ITGBL1: variants seen among roughly 807,000 people sequenced by gnomAD.
ITGBL1 encodes integrin subunit beta like 1.
In ITGBL1, 51 loss-of-function variants were observed where a neutral mutation model predicts 68.5. That is an observed-to-expected ratio of 0.74 (90% confidence interval 0.59 to 0.94). The LOEUF (loss-of-function observed/expected upper bound fraction) is 0.94. Ranked by LOEUF, ITGBL1 falls within the 40% of genes least tolerant of loss-of-function variation. The pLI, the probability that ITGBL1 is intolerant of heterozygous loss-of-function variation, is 0.00. For synonymous variants in ITGBL1, 209 were observed against 227.3 expected (o/e 0.92, Z 0.72); for missense variants, 649 against 647.4 (o/e 1.00, Z -0.03).
chr13:101,655,221 C>T (rs1256263714), intron 7 of ITGBL1, among the ~76,000 whole-genome samples: 1 of 152,198 alleles, frequency 6.6e-6, no homozygotes, highest in Non-Finnish European at 1.5e-5. Context: ...CCCTTGAAAT[C>T]TCACCACACT....
At chr13:101,554,144 T>G (rs955229913) in intron 2 of ITGBL1, among the ~76,000 whole-genome samples, 2 of 152,186 alleles carry the variant, frequency 1.3e-5, no homozygotes, top group Non-Finnish European at 2.9e-5. Flanking sequence ...CAGTGTGATC[T>G]CAACTAATTC....
chr13:101,688,591 T>C (rs921445471), intron 7 of ITGBL1, among the ~76,000 whole-genome samples: 1 of 152,210 alleles, frequency 6.6e-6, no homozygotes, highest in Non-Finnish European at 1.5e-5. Context: ...ATCAGAGGGA[T>C]TTGTGCAAAG....
chr13:101,542,847 A>G lies in ITGBL1; in HGVS notation c.317-24852A>G, dbSNP rs183059446. Among the ~76,000 whole-genome samples, 377 of 152,070 alleles carry G rather than the reference A, an allele frequency of 2.5e-3. 1 individual carries two copies. The highest frequency in any genetic ancestry group is 4.1e-3 in the Non-Finnish European group (280 of 67,986). ...GTCTCTTTTGATCTTTGTTGGTTTA[A>G]AGTCTGTTTTATCAGAGACTAGGAT... On this transcript the variant is annotated intron_variant, in intron 2 of 10. Transcript: ENST00000376180.
intron 6 of ITGBL1, among the ~76,000 whole-genome samples, chr13:101,584,212 G>A (rs17685968): frequency 0.27 from 41,052 of 151,994 alleles, 5,987 homozygotes; most frequent in East Asian, 0.46. Flanking sequence ...GAGCCAGTAG[G>A]GGACAGGAGA....
At chr13:101,567,504 T>C (rs569234074) in intron 2 of ITGBL1, among the ~76,000 whole-genome samples, 195 bp from the exon 3 acceptor site, 2 of 152,298 alleles carry the variant, frequency 1.3e-5, no homozygotes, top group South Asian at 4.1e-4. Flanking sequence ...ATTTATCGGT[T>C]GACTATTGAA....
chr13:101,603,650 A>G (rs897225954), intron 7 of ITGBL1, among the ~76,000 whole-genome samples: 33 of 142,002 alleles, frequency 2.3e-4, no homozygotes, highest in Non-Finnish European at 3.8e-4. Context: ...CCAGACATGT[A>G]AAAAAAATGA....
intron 3 of ITGBL1, 100 bp from the exon 4 acceptor site, chr13:101,575,323 GA>G: frequency 9.0e-7 from 1 of 1,105,374 alleles, no homozygotes. Flanking sequence ...ATATTAAATT[GA>G]TTTGGATTAT....
At chr13:101,658,446 T>A (rs1030367550) in intron 7 of ITGBL1, among the ~76,000 whole-genome samples, 3 of 151,990 alleles carry the variant, frequency 2.0e-5, no homozygotes, top group Admixed American at 6.6e-5. Context: ...TTTAAAAAAA[T>A]TAAAGTGATC....
At chr13:101,457,924 A>G (rs757012479) in intron 2 of ITGBL1, among the ~76,000 whole-genome samples, 10 of 152,252 alleles carry the variant, frequency 6.6e-5, no homozygotes, top group Non-Finnish European at 1.2e-4. Context: ...ACCAGCTACA[A>G]TGACACTTAA....
At chr13:101,478,737 A>G (rs1318615870) in intron 2 of ITGBL1, among the ~76,000 whole-genome samples, 1 of 151,904 alleles carries the variant, frequency 6.6e-6, no homozygotes, top group Non-Finnish European at 1.5e-5. Context: ...AACAGCTACA[A>G]ATAAAATGAG....
intron 2 of ITGBL1, among the ~76,000 whole-genome samples, chr13:101,517,022 A>G (rs1420433770): frequency 6.6e-6 from 1 of 152,190 alleles, no homozygotes; most frequent in Non-Finnish European, 1.5e-5. Flanking sequence ...ATATTCTTGC[A>G]CTCAAGGTGA....
At chr13:101,525,135 A>T (rs2049352500) in intron 2 of ITGBL1, among the ~76,000 whole-genome samples, 1 of 152,146 alleles carries the variant, frequency 6.6e-6, no homozygotes, top group South Asian at 2.1e-4. Flanking sequence ...GATATTACAA[A>T]GTTTTTTCTT....
Position 101,614,259 on chromosome 13 carries a change from A to G in ITGBL1, c.1015+15960A>G, listed in dbSNP as rs571079213. ...CAGAAATGCATTTTGGGTTTTCGCC[A>G]TAGATAATTTCTGCTTTGAAAAATA... On this transcript the variant is annotated intron_variant, in intron 7 of 10. Coordinates refer to ENST00000376180, the MANE Select transcript of ITGBL1 (RefSeq NM_004791.3). 3.3e-5 allele frequency among the ~76,000 whole-genome samples: 5 copies of G among 152,310 alleles called. No homozygotes were observed. In the South Asian group the frequency reaches 8.3e-4, roughly 25 times the overall value.
intron 7 of ITGBL1, among the ~76,000 whole-genome samples, chr13:101,605,963 C>CAT (rs1192366370): frequency 6.9e-6 from 1 of 144,700 alleles, no homozygotes; most frequent in Admixed American, 7.0e-5. Flanking sequence ...CACATATACA[C>CAT]ATATATATGC....
rs149770736 is a variant in ITGBL1, at chr13:101,706,828, G to C, written c.1205G>C (p.Arg402Pro). 2 of 1,614,150 alleles carry C rather than the reference G, an allele frequency of 1.2e-6. No individual in the cohort carries two copies. The highest frequency in any genetic ancestry group is 1.7e-5 in the Admixed American group (1 of 60,022). ...GWFGKLCQHP[R>P]KCNMTEEQSK... ...TTTGGAAAGCTCTGCCAACATCCGCGGAAGTGTAACATGACGGAAGAACAA... is the reference window on the plus strand; with the variant it reads ...TTTGGAAAGCTCTGCCAACATCCGCCGAAGTGTAACATGACGGAAGAACAA... The change falls in exon 9 of 11, where the codon CGG becomes CCG. Residue 402 changes from arginine to proline, a missense_variant. Arg to Pro is a moderately radical substitution (Grantham distance 103). Coordinates refer to ENST00000376180, the MANE Select transcript of ITGBL1 (RefSeq NM_004791.3).
At chr13:101,656,659 C>T (rs2032934867) in intron 7 of ITGBL1, among the ~76,000 whole-genome samples, 1 of 152,052 alleles carries the variant, frequency 6.6e-6, no homozygotes, top group Admixed American at 6.6e-5. Flanking sequence ...AACACTCTAC[C>T]CTTTCAAAAT....
intron 6 of ITGBL1, among the ~76,000 whole-genome samples, chr13:101,589,494 A>G (rs893077115): frequency 1.3e-5 from 2 of 152,180 alleles, no homozygotes; most frequent in Admixed American, 6.5e-5. Context: ...TTCTTTCCTT[A>G]GCTTGAACTT....
At chr13:101,516,498 G>T (rs551371143) in intron 2 of ITGBL1, among the ~76,000 whole-genome samples, 1 of 152,182 alleles carries the variant, frequency 6.6e-6, no homozygotes, top group African/African-American at 2.4e-5. Flanking sequence ...TTCAATTTCT[G>T]CTCAAGGAAA....
At chr13:101,526,756 AT>A (rs1472634635) in intron 2 of ITGBL1, among the ~76,000 whole-genome samples, 1 of 149,140 alleles carries the variant, frequency 6.7e-6, no homozygotes, top group Non-Finnish European at 1.5e-5. Flanking sequence ...TCTATAATAT[AT>A]TTTTATGTTT....
Sources: allele counts gnomAD v4.1 joint callset (sites outside exome capture counted in the v4.1 genomes callset), GRCh38; gene constraint gnomAD v4.1.1; transcripts MANE v1.5; gene names NCBI Gene and HGNC (gene_info 2026-07-23, HGNC 2026-07-21).